Variants in RBFOX1 observed in about 807,000 individuals in gnomAD.
The protein encoded by RBFOX1 is RNA binding protein fox-1 homolog 1.
In RBFOX1, 8 loss-of-function variants were observed where a neutral mutation model predicts 57.7. The observed-to-expected ratio is 0.14, with a 90% confidence interval of 0.08 to 0.25. The LOEUF is 0.25. Ranked by LOEUF, RBFOX1 falls within the 10% of genes least tolerant of loss-of-function variation. RBFOX1 has a pLI of 1.00. For synonymous variants in RBFOX1, 326 were observed against 222.4 expected (o/e 1.47, Z -4.15); for missense variants, 611 against 548.5 (o/e 1.11, Z -1.14).
intron 2 of RBFOX1, among the ~76,000 whole-genome samples, chr16:5,583,385 C>A (rs2046736683): frequency 1.3e-5 from 2 of 152,314 alleles, no homozygotes; most frequent in South Asian, 4.1e-4. Context: ...ATCCCAGCGG[C>A]CATACTTCAA....
Position 6,255,119 on chromosome 16 carries a change from A to G in RBFOX1, c.-126-61876A>G, listed in dbSNP as rs1025824431. The stretch of plus-strand genomic sequence containing the variant: ...AGCTCAGCAGGCTGGGGAGAGAGAT[A>G]AACAAGAAAGAAAGTCTGTGGATTA... On this transcript the variant is annotated intron_variant, in intron 1 of 15. Coordinates refer to ENST00000550418, the MANE Select transcript of RBFOX1 (RefSeq NM_018723.4). 5.9e-5 allele frequency among the ~76,000 whole-genome samples: 9 copies of G among 152,278 alleles called. No individual in the cohort carries two copies. The East Asian group carries it at 1.7e-3, about 29-fold the overall frequency.
At chr16:5,767,564 T>G (rs1283669011) in intron 3 of RBFOX1, among the ~76,000 whole-genome samples, 1 of 152,196 alleles carries the variant, frequency 6.6e-6, no homozygotes, top group African/African-American at 2.4e-5. Context: ...TGCGTGAGTT[T>G]CCAAGCTCAC....
Position 5,599,033 on chromosome 16 carries a change from C to G in RBFOX1, c.390C>G (p.Val130=), listed in dbSNP as rs1032031339. Residue 130 remains valine (V), a synonymous_variant, in exon 3 of 3, where the codon GTC becomes GTG. Coordinates refer to the RBFOX1 transcript ENST00000585867. ...TTGCATCCTTTTCAGCCTCTTTGGT[C>G]TCCGTCATCAATCACCGGGAATGGT... 28 of 1,296,852 alleles carry G rather than the reference C, an allele frequency of 2.2e-5. No individual in the cohort carries two copies. In the Admixed American group the frequency reaches 5.5e-4, roughly 26 times the overall value. The allele number at this position is 1,296,852 out of a possible 1,614,324, so 80.3% of individuals were successfully genotyped here.
At chr16:7,186,867 A>G (rs1207273929) in intron 4 of RBFOX1, among the ~76,000 whole-genome samples, 1 of 151,528 alleles carries the variant, frequency 6.6e-6, no homozygotes, top group Non-Finnish European at 1.5e-5. Flanking sequence ...TTTAAAATAT[A>G]GCTCTCTAGG....
intron 2 of RBFOX1, among the ~76,000 whole-genome samples, chr16:6,543,325 G>C (rs1484250851): frequency 6.6e-6 from 1 of 152,082 alleles, no homozygotes; most frequent in Non-Finnish European, 1.5e-5. Context: ...TACTGCTTGT[G>C]ACTTGACACA....
At chr16:7,364,339 G>T (rs117890430) in intron 4 of RBFOX1, among the ~76,000 whole-genome samples, 1,984 of 152,092 alleles carry the variant, frequency 0.013, 23 homozygotes, top group Non-Finnish European at 0.021. Context: ...ATTAATTGTA[G>T]GTTATTGAAT....
At chr16:6,795,053 T>C (rs1389811003) in intron 3 of RBFOX1, among the ~76,000 whole-genome samples, 1 of 152,198 alleles carries the variant, frequency 6.6e-6, no homozygotes, top group South Asian at 2.1e-4. Flanking sequence ...TTTCTCTTGA[T>C]AGTTGATGTG....
At chr16:5,791,880 A>G (rs755718056) in intron 3 of RBFOX1, among the ~76,000 whole-genome samples, 14 of 152,194 alleles carry the variant, frequency 9.2e-5, no homozygotes, top group Non-Finnish European at 7.3e-5. Flanking sequence ...TGTCACTGTC[A>G]TCCTTATGGA....
chr16:7,664,907 CTT>C lies in RBFOX1; in HGVS notation c.891-20_891-19del. ...GAAATGCACTAATATGGATGTTTCT[CTT>C]TGTGTGTGCACCCTTGCAGTGTTGT... On this transcript the variant is annotated intron_variant, in intron 12 of 15. Transcript: ENST00000550418. 6.2e-7 allele frequency: 1 copy of C among 1,613,914 alleles called. No individual in the cohort carries two copies. The highest frequency in any genetic ancestry group is 8.5e-7 in the Non-Finnish European group (1 of 1,179,830).
rs1205986880 is a variant in RBFOX1 at position 5,947,332 on chromosome 16, T to C, written c.351+79997T>C. Among the ~76,000 whole-genome samples, 1 of 152,206 alleles carries C rather than the reference T, an allele frequency of 6.6e-6. No homozygotes were observed. Among genetic ancestry groups the C allele is most frequent in the Non-Finnish European group, 1.5e-5 (1 of 68,040 alleles). On this transcript the variant is annotated intron_variant, in intron 4 of 19. Coordinates refer to the RBFOX1 transcript ENST00000641259. The surrounding 1 kb of genome is among the most constrained non-coding windows in gnomAD (Gnocchi z 7.2). ...CAGATCGCCATCGAATGGACACCTC[T>C]TTTTACAACCATGTGTTCTACATTG... is the stretch of plus-strand genomic sequence containing the variant.
intron 3 of RBFOX1, among the ~76,000 whole-genome samples, chr16:6,776,446 CAAAA>C (rs869161421): frequency 2.4e-5 from 3 of 126,694 alleles, no homozygotes; most frequent in Admixed American, 1.6e-4. Context: ...AACAAACAAA[CAAAA>C]AAACATCAAG....
intron 1 of RBFOX1, among the ~76,000 whole-genome samples, chr16:6,180,704 T>A (rs1422292294): frequency 6.6e-6 from 1 of 152,116 alleles, no homozygotes. Flanking sequence ...TAGCTGGGAT[T>A]ACAGGCACCC....
At chr16:5,995,748 G>A (rs2060479569) in intron 4 of RBFOX1, among the ~76,000 whole-genome samples, 1 of 152,134 alleles carries the variant, frequency 6.6e-6, no homozygotes, top group Admixed American at 6.5e-5. Flanking sequence ...AGATCAAACT[G>A]ATGTACACAG....
chr16:5,611,855 C>T (rs976656967), intron 3 of RBFOX1, among the ~76,000 whole-genome samples: 1 of 142,202 alleles, frequency 7.0e-6, no homozygotes, highest in Non-Finnish European at 1.5e-5. Flanking sequence ...CTACTGTGTG[C>T]AGTAGCTCAT....
At chr16:6,519,015 G>A (rs17140460) in intron 2 of RBFOX1, among the ~76,000 whole-genome samples, 4,351 of 151,780 alleles carry the variant, frequency 0.029, 125 homozygotes, top group African/African-American at 0.073. Flanking sequence ...GGGCTCCCAA[G>A]GACTGTGAGA....
At chr16:7,221,791 T>G (rs2092751096) in intron 4 of RBFOX1, among the ~76,000 whole-genome samples, 1 of 152,222 alleles carries the variant, frequency 6.6e-6, no homozygotes. Flanking sequence ...GGTCTTATCT[T>G]TTACAAGCGA....
At chr16:7,460,146 T>C (rs2059264982) in intron 4 of RBFOX1, among the ~76,000 whole-genome samples, 1 of 151,872 alleles carries the variant, frequency 6.6e-6, no homozygotes, top group Non-Finnish European at 1.5e-5. Flanking sequence ...GCTAGTCTGA[T>C]TGTATTTGCT....
chr16:7,284,769 A>T (rs13337930), intron 4 of RBFOX1, among the ~76,000 whole-genome samples: 6,512 of 152,276 alleles, frequency 0.043, 325 homozygotes, highest in African/African-American at 0.13. Flanking sequence ...AGCAGAATTA[A>T]TGGCAAAATA....
At chr16:7,234,225 G>A (rs7203722) in intron 4 of RBFOX1, among the ~76,000 whole-genome samples, 101,469 of 151,870 alleles carry the variant, frequency 0.67, 35,557 homozygotes, top group East Asian at 0.96. Context: ...TCACATGCTG[G>A]AGGCAGAGGT....
Sources: allele counts gnomAD v4.1 joint callset (sites outside exome capture counted in the v4.1 genomes callset), GRCh38; gene constraint gnomAD v4.1.1; non-coding constraint Gnocchi (gnomAD v3.1); transcripts MANE v1.5; gene names NCBI Gene and HGNC (gene_info 2026-07-23, HGNC 2026-07-21).